Variants in MYO1H observed in about 807,000 individuals in gnomAD.
The protein encoded by MYO1H is myosin IH, also known as unconventional myosin-Ih.
MYO1H carries 118 observed loss-of-function variants against 149.3 expected under a neutral mutation model. The observed-to-expected ratio is 0.79, with a 90% confidence interval of 0.68 to 0.92. The LOEUF is 0.92. Ranked by LOEUF, MYO1H falls within the 40% of genes least tolerant of loss-of-function variation. MYO1H has a pLI of 0.00. For synonymous variants in MYO1H, 447 were observed against 465.2 expected (o/e 0.96, Z 0.50); for missense variants, 1,212 against 1,280.7 (o/e 0.95, Z 0.82).
intron 28 of MYO1H, 86 bp from the exon 29 acceptor site, chr12:109,444,127 G>T: frequency 1.0e-6 from 1 of 994,498 alleles, no homozygotes; most frequent in Non-Finnish European, 1.6e-6. Flanking sequence ...GTGTGGTGTT[G>T]GGCAGCCCCT....
intron 16 of MYO1H, among the ~76,000 whole-genome samples, chr12:109,421,717 A>C (rs1255596542): frequency 6.6e-6 from 1 of 152,158 alleles, no homozygotes; most frequent in African/African-American, 2.4e-5. Flanking sequence ...GCACAAGGCC[A>C]CATCATGAGG....
the MYO1H span, among the ~76,000 whole-genome samples, chr12:109,318,385 C>T: frequency 5.6e-4 from 86 of 152,290 alleles, no homozygotes; most frequent in African/African-American, 2.1e-3. Flanking sequence ...CTTCCCTTCA[C>T]TGTTTGGCTG....
At chr12:109,318,064 C>T in the MYO1H span, among the ~76,000 whole-genome samples, 4 of 152,058 alleles carry the variant, frequency 2.6e-5, no homozygotes, top group African/African-American at 7.2e-5. Flanking sequence ...ATTAAAGTAT[C>T]GAACAAAACA....
chr12:109,351,163 G>A (rs1349266198), intron 1 of MYO1H, among the ~76,000 whole-genome samples: 2 of 152,142 alleles, frequency 1.3e-5, no homozygotes, highest in Admixed American at 6.5e-5. Flanking sequence ...TAGATAAATT[G>A]CTTCCTGGAT....
At chr12:109,312,417 A>G in the MYO1H span, among the ~76,000 whole-genome samples, 11 of 143,188 alleles carry the variant, frequency 7.7e-5, no homozygotes, top group African/African-American at 2.2e-4. Context: ...TTTTGTTTTA[A>G]GTAGAGACGG....
chr12:109,369,204 T>A (rs1205635663), intron 1 of MYO1H, among the ~76,000 whole-genome samples: 2 of 152,144 alleles, frequency 1.3e-5, no homozygotes, highest in East Asian at 3.9e-4. Flanking sequence ...GCCAGGTTAG[T>A]CTCAAACTCC....
intron 1 of MYO1H, among the ~76,000 whole-genome samples, chr12:109,352,623 A>T (rs1331585318): frequency 6.6e-6 from 1 of 152,218 alleles, no homozygotes; most frequent in Non-Finnish European, 1.5e-5. Flanking sequence ...AAGTGTGTTA[A>T]ACATACAGAA....
intron 1 of MYO1H, among the ~76,000 whole-genome samples, chr12:109,376,024 G>T (rs1421705612): frequency 1.3e-5 from 2 of 152,060 alleles, no homozygotes; most frequent in East Asian, 3.9e-4. Flanking sequence ...CTACCCCAAG[G>T]CCATGAAGAT....
chr12:109,382,879 TTAAAA>T (rs1869233685), intron 1 of MYO1H, among the ~76,000 whole-genome samples: 1 of 147,666 alleles, frequency 6.8e-6, no homozygotes, highest in Non-Finnish European at 1.5e-5. Context: ...AAAATATGAA[TTAAAA>T]TAATGATATA....
At chr12:109,379,066 C>T (rs757014122) in intron 1 of MYO1H, among the ~76,000 whole-genome samples, 1 of 152,142 alleles carries the variant, frequency 6.6e-6, no homozygotes, top group East Asian at 1.9e-4. Flanking sequence ...GCACTGGTCA[C>T]CTATGGCTAT....
intron 1 of MYO1H, among the ~76,000 whole-genome samples, chr12:109,355,066 C>A (rs1199739440): frequency 6.6e-6 from 1 of 152,122 alleles, no homozygotes; most frequent in Admixed American, 6.6e-5. Flanking sequence ...GAAAAGCTGG[C>A]CTTGCCATCC....
At chr12:109,369,235 G>A (rs1868932321) in intron 1 of MYO1H, among the ~76,000 whole-genome samples, 1 of 152,122 alleles carries the variant, frequency 6.6e-6, no homozygotes, top group Non-Finnish European at 1.5e-5. Context: ...TGATCCAAAT[G>A]AGCCACGATG....
At position 109,409,539 on chromosome 12, in the gene MYO1H, G is replaced by A. The variant is rs73407526; in HGVS notation, c.1156-18G>A. The A allele has an allele frequency of 0.012, 19,884 of 1,608,832 alleles. 2,079 individuals are homozygous for A. The African/African-American group carries it at 0.23, about 19-fold the overall frequency. On this transcript the variant is annotated intron_variant, in intron 10 of 31. Transcript: ENST00000310903. ...AGGAAAAGACCTAACTATGAATGGG[G>A]TGTGTTATTTTGACCAGGATTTCAC...
At chr12:109,442,110 C>A in intron 26 of MYO1H, 107 bp from the exon 27 acceptor site, 1 of 915,674 alleles carries the variant, frequency 1.1e-6, no homozygotes, top group Non-Finnish European at 1.8e-6. Context: ...ATTTCCCCAC[C>A]TGAGATCTTA....
intron 6 of MYO1H, among the ~76,000 whole-genome samples, chr12:109,401,793 G>A (rs2137050721): frequency 6.6e-6 from 1 of 151,822 alleles, no homozygotes; most frequent in Admixed American, 6.6e-5. Context: ...AGGCTGGAGT[G>A]CAGTAGCATA....
At chr12:109,396,679 C>A in intron 4 of MYO1H, 97 bp downstream of exon 4, 1 of 1,064,606 alleles carries the variant, frequency 9.4e-7, no homozygotes, top group Non-Finnish European at 1.3e-6. Flanking sequence ...GGGCAGGTCA[C>A]TGTTAAGAAA....
At chr12:109,425,405 T>C (rs151108210) in intron 17 of MYO1H, among the ~76,000 whole-genome samples, 21 of 152,348 alleles carry the variant, frequency 1.4e-4, no homozygotes, top group Admixed American at 3.3e-4. Flanking sequence ...GTTCCAAGTT[T>C]AGTCCCAGTT....
At chr12:109,407,154 C>T (rs547421323) in intron 9 of MYO1H, among the ~76,000 whole-genome samples, 53 of 152,218 alleles carry the variant, frequency 3.5e-4, no homozygotes, top group Middle Eastern at 6.8e-3. Context: ...ATCTAGTTAA[C>T]TCCTCTTCAT....
chr12:109,356,629 G>T (rs1868612412), intron 1 of MYO1H, among the ~76,000 whole-genome samples: 1 of 152,092 alleles, frequency 6.6e-6, no homozygotes, highest in African/African-American at 2.4e-5. Flanking sequence ...AGATGGTCAT[G>T]TAATGGCATT....
Sources: gnomAD v4.1 joint callset for allele counts (sites outside exome capture counted in the v4.1 genomes callset) on GRCh38, gnomAD v4.1.1 for gene constraint, MANE v1.5 for transcripts, NCBI Gene and HGNC (gene_info 2026-07-23, HGNC 2026-07-21) for gene names.